The following ROBO1 variants were observed in gnomAD, a reference collection of about 807,000 sequenced individuals.
ROBO1 encodes the protein roundabout guidance receptor 1, also known as roundabout homolog 1.
Under a neutral mutation model 195.9 loss-of-function variants are expected in ROBO1, and 149 were observed. That is an observed-to-expected ratio of 0.76 (90% CI 0.67 to 0.87). ROBO1 has a LOEUF of 0.87. ROBO1 is among the 40% of genes least tolerant of loss of function. The probability of loss-of-function intolerance (pLI) is 0.00; values close to 1 mark genes in which losing one functional copy is unlikely to be tolerated. For synonymous variants in ROBO1, 816 were observed against 733.2 expected (o/e 1.11, Z -1.82); for missense variants, 1,933 against 2,068.3 (o/e 0.93, Z 1.27).
intron 10 of ROBO1, 50 bp downstream of exon 10, chr3:78,685,696 G>A: frequency 7.2e-7 from 1 of 1,380,256 alleles, no homozygotes; most frequent in Non-Finnish European, 9.9e-7. Context: ...ACCCTCTCTG[G>A]ATCCTAAGTC....
At chr3:78,942,674 C>T (rs2040202573) in intron 3 of ROBO1, among the ~76,000 whole-genome samples, 1 of 152,062 alleles carries the variant, frequency 6.6e-6, no homozygotes, top group African/African-American at 2.4e-5. Flanking sequence ...AGTTTGACCT[C>T]AAAAAAGAAA....
chr3:78,925,250 T>G (rs2107617462), intron 4 of ROBO1, among the ~76,000 whole-genome samples: 1 of 152,324 alleles, frequency 6.6e-6, no homozygotes, highest in East Asian at 1.9e-4. Flanking sequence ...TTAGTATAGA[T>G]TCTGAAACAT....
chr3:79,491,701 T>G (rs552360790), intron 2 of ROBO1, among the ~76,000 whole-genome samples: 24 of 152,266 alleles, frequency 1.6e-4, no homozygotes, highest in Non-Finnish European at 2.5e-4. Context: ...TCTGATTGCA[T>G]CTTTCTACCA....
intron 4 of ROBO1, among the ~76,000 whole-genome samples, chr3:78,816,000 A>G (rs2084890113): frequency 6.6e-6 from 1 of 152,184 alleles, no homozygotes; most frequent in Non-Finnish European, 1.5e-5. Context: ...ACAGTAAGCA[A>G]CAAATTTTCA....
intron 2 of ROBO1, chr3:79,533,014 C>A: frequency 2.9e-6 from 1 of 339,288 alleles, no homozygotes; most frequent in Admixed American, 4.2e-5. Flanking sequence ...AATTAAGTAC[C>A]TTGGAGAAGA....
At chr3:78,894,370 G>A (rs187775457) in intron 4 of ROBO1, among the ~76,000 whole-genome samples, 1 of 152,162 alleles carries the variant, frequency 6.6e-6, no homozygotes, top group East Asian at 1.9e-4. Flanking sequence ...AAACAGTACT[G>A]AATACTTTTC....
chr3:78,913,158 G>T (rs566444754), intron 4 of ROBO1, among the ~76,000 whole-genome samples: 1 of 152,140 alleles, frequency 6.6e-6, no homozygotes, highest in African/African-American at 2.4e-5. Flanking sequence ...TTTCTACGAT[G>T]GAATAAATGG....
chr3:78,920,487 A>G (rs1407701895), intron 4 of ROBO1, among the ~76,000 whole-genome samples: 1 of 151,830 alleles, frequency 6.6e-6, no homozygotes, highest in African/African-American at 2.4e-5. Context: ...TTTTATTTTT[A>G]GTAGAGACGG....
At chr3:79,052,779 G>C (rs574681844) in intron 3 of ROBO1, among the ~76,000 whole-genome samples, 1 of 152,054 alleles carries the variant, frequency 6.6e-6, no homozygotes, top group Admixed American at 6.6e-5. Context: ...TTTTTCCCAA[G>C]TGCATGTGGG....
chr3:79,010,371 C>T (rs1240081614), intron 3 of ROBO1, among the ~76,000 whole-genome samples: 7 of 152,066 alleles, frequency 4.6e-5, no homozygotes, highest in Admixed American at 3.9e-4. Context: ...TTCATACTGA[C>T]AGACAGGGCT....
At chr3:78,718,804 A>AAGGGAGGGAGGGAGGG (rs1438295042) in intron 5 of ROBO1, among the ~76,000 whole-genome samples, 89 of 76,092 alleles carry the variant, frequency 1.2e-3, no homozygotes, top group African/African-American at 3.9e-3. Context: ...GGAAGGAAGG[A>AAGGGAGGGAGGGAGGG]AGGGAGGGAG....
intron 1 of ROBO1, among the ~76,000 whole-genome samples, chr3:79,661,798 T>C (rs375596365): frequency 3.0e-4 from 45 of 152,080 alleles, no homozygotes; most frequent in Middle Eastern, 3.2e-3. Context: ...TATTGAAATT[T>C]CATGTCTTTG....
chr3:79,228,670 T>C (rs999125069), intron 2 of ROBO1, among the ~76,000 whole-genome samples: 3 of 152,160 alleles, frequency 2.0e-5, no homozygotes, highest in African/African-American at 7.2e-5. Context: ...CTGTAACTTA[T>C]ATAGTTCTGT....
intron 1 of ROBO1, among the ~76,000 whole-genome samples, chr3:79,622,113 G>A (rs73849649): frequency 0.016 from 2,378 of 152,222 alleles, 56 homozygotes; most frequent in African/African-American, 0.055. Flanking sequence ...GAGGGCAGGG[G>A]AGCCACCTCT....
chr3:79,373,095 T>G (rs2036257716), intron 2 of ROBO1, among the ~76,000 whole-genome samples: 1 of 152,180 alleles, frequency 6.6e-6, no homozygotes, highest in Non-Finnish European at 1.5e-5. Context: ...TTACAGCAGC[T>G]AGAGTAGACA....
In ROBO1 at chr3:79,560,535, T is replaced by TTATATATATATATATA. The variant is rs549034591; in HGVS notation, c.88+29273_88+29288dup. On this transcript the variant is annotated intron_variant, in intron 2 of 30. Coordinates refer to ENST00000464233, the MANE Select transcript of ROBO1 (RefSeq NM_002941.4). ...AAAACTTAAAGTATAATAATAATAA[T>TTATATATATATATATA]TATATATATATATATATATATATAC... 4.6e-3 allele frequency among the ~76,000 whole-genome samples: 525 copies of TTATATATATATATATA among 115,066 alleles called. 19 individuals carry two copies. The highest frequency in any genetic ancestry group is 0.016 in the African/African-American group (413 of 25,304). The allele number at this position is 115,066 out of a possible 152,430, so 75.5% of individuals were successfully genotyped here.
At chr3:78,741,209 C>T (rs79830639) in intron 5 of ROBO1, among the ~76,000 whole-genome samples, 5,257 of 152,222 alleles carry the variant, frequency 0.035, 126 homozygotes, top group Non-Finnish European at 0.053. Context: ...TCAGCAATTT[C>T]ATCTCTATGC....
intron 4 of ROBO1, among the ~76,000 whole-genome samples, chr3:78,927,960 ACAACAGC>A (rs1294291867): frequency 6.6e-6 from 1 of 152,226 alleles, no homozygotes; most frequent in African/African-American, 2.4e-5. Context: ...AGCAGATGTT[ACAACAGC>A]TACAACTCAC....
chr3:79,145,076 T>C (rs929905074), intron 2 of ROBO1, among the ~76,000 whole-genome samples: 17 of 151,964 alleles, frequency 1.1e-4, no homozygotes, highest in Admixed American at 2.0e-4. Flanking sequence ...TTTTATGTCA[T>C]TTGACTATAA....
Sources: allele counts gnomAD v4.1 joint callset (sites outside exome capture counted in the v4.1 genomes callset), GRCh38; gene constraint gnomAD v4.1.1; transcripts MANE v1.5; gene names NCBI Gene and HGNC (gene_info 2026-07-23, HGNC 2026-07-21).